The following SYNE1 variants were observed in gnomAD, a reference collection of about 807,000 sequenced individuals.
SYNE1 encodes the protein nesprin-1.
In SYNE1, 616 loss-of-function variants were observed where a neutral mutation model predicts 1,111.0. The observed-to-expected ratio is 0.55, with a 90% CI of 0.52 to 0.59. The LOEUF is 0.59. Among genes scored for constraint, SYNE1 ranks in the 20% least tolerant of loss-of-function variants. The probability of loss-of-function intolerance (pLI) is 0.00; values close to 1 mark genes in which losing one functional copy is unlikely to be tolerated. For synonymous variants in SYNE1, 3,855 were observed against 3,825.8 expected, an observed-to-expected ratio of 1.01 and a Z score of -0.28; for missense variants, 10,006 against 10,417.0, an observed-to-expected ratio of 0.96 and a Z score of 1.72.
At chr6:152,237,185 G>T (rs546487487) in intron 108 of SYNE1, among the ~76,000 whole-genome samples, 1 of 152,144 alleles carries the variant, frequency 6.6e-6, no homozygotes, top group East Asian at 1.9e-4. Flanking sequence ...ACAACTGTGA[G>T]TAAGCTACTA....
chr6:152,253,830 T>G lies in SYNE1; in HGVS notation c.19470+1050A>C, dbSNP rs1218566248. On this transcript the variant is annotated intron_variant, in intron 104 of 145. Coordinates refer to ENST00000367255, the MANE Select transcript of SYNE1 (RefSeq NM_182961.4). The stretch of plus-strand genomic sequence containing the variant: ...GTGTAGTGGTTTGGTTTTTTTTTTT[T>G]TTTTTTTTTTTTTTTTTTTTTTTTT... Among the ~76,000 whole-genome samples the G allele has an allele frequency of 2.3e-3, 138 of 59,994 alleles. 2 individuals carry two copies. Among genetic ancestry groups the G allele is most frequent in the African/African-American group, 0.016 (131 of 7,940 alleles). The allele number at this position is 59,994 out of a possible 152,430, so 39.4% of individuals were successfully genotyped here. A position where few individuals can be genotyped will look rare whatever the true frequency, so the allele number is the denominator to read the frequency against.
intron 34 of SYNE1, among the ~76,000 whole-genome samples, chr6:152,431,082 G>A (rs1396459490): frequency 6.6e-6 from 1 of 152,160 alleles, no homozygotes; most frequent in Non-Finnish European, 1.5e-5. Context: ...TTGTGTTTCA[G>A]TAACTCATTA....
chr6:152,362,592 C>T (rs149561014), intron 63 of SYNE1, among the ~76,000 whole-genome samples: 2 of 152,064 alleles, frequency 1.3e-5, no homozygotes, highest in African/African-American at 2.4e-5. Flanking sequence ...TGGGGGGACA[C>T]GAGACACTGG....
intron 21 of SYNE1, among the ~76,000 whole-genome samples, chr6:152,461,059 G>A (rs214960): frequency 0.52 from 79,514 of 151,684 alleles, 22,722 homozygotes; most frequent in East Asian, 0.76. Context: ...TGATCTGCTC[G>A]CCTCGGCCTC....
At chr6:152,301,130 C>T (rs1434862042) in intron 92 of SYNE1, among the ~76,000 whole-genome samples, 1 of 152,138 alleles carries the variant, frequency 6.6e-6, no homozygotes, top group African/African-American at 2.4e-5. Flanking sequence ...TGAAATAAAG[C>T]TTGGTCTTTT....
chr6:152,130,497 A>C (rs1329723664), intron 145 of SYNE1, among the ~76,000 whole-genome samples: 1 of 152,240 alleles, frequency 6.6e-6, no homozygotes, highest in African/African-American at 2.4e-5. Context: ...ATGTTGAGAC[A>C]AACAGAATTT....
Position 152,399,763 on chromosome 6 carries a change from T to C in SYNE1, c.7090A>G (p.Asn2364Asp), listed in dbSNP as rs768522880. 6.2e-7 allele frequency: 1 copy of C among 1,613,060 alleles called. No individual in the cohort carries two copies. The highest frequency in any genetic ancestry group is 1.7e-5 in the Admixed American group (1 of 60,020). Residue 2364 changes from asparagine (N) to aspartate (D), a missense_variant, in exon 48 of 146, where the codon AAT becomes GAT. By Grantham distance (23) the Asn-to-Asp change is conservative (BLOSUM62 1). Coordinates refer to ENST00000367255, the MANE Select transcript of SYNE1 (RefSeq NM_182961.4). ...GAGTGGTACTTGCGGCACAAGCTAT[T>C]GAGATTTTCTTGGGTAGAGCTGATG... Reference protein sequence around the residue: ...SNISSTQENLNSLCRKYHSAE... With the variant: ...SNISSTQENLDSLCRKYHSAE...
In SYNE1 at chr6:152,363,023, T is replaced by G. The variant is rs376491259; in HGVS notation, c.10146-700A>C. Reference sequence around the variant, plus strand: ...AGCCGCCCGAGTAGCTGGGACTACATGCCCCCGCCACCATGCCCGGCTAAT... The same window carrying G: ...AGCCGCCCGAGTAGCTGGGACTACAGGCCCCCGCCACCATGCCCGGCTAAT... On this transcript the variant is annotated intron_variant, in intron 63 of 145. Transcript: ENST00000367255. Among the ~76,000 whole-genome samples the G allele has an allele frequency of 8.5e-4, 128 of 151,028 alleles. 1 individual carries two copies. Among genetic ancestry groups the G allele is most frequent in the South Asian group, 6.1e-3 (29 of 4,748 alleles).
intron 100 of SYNE1, 107 bp downstream of exon 100, chr6:152,267,948 TA>T: frequency 1.0e-6 from 1 of 974,382 alleles, no homozygotes. Context: ...ATAAGATGAC[TA>T]AATTTTGCAG....
Position 152,148,252 on chromosome 6 carries a change from G to C in SYNE1, c.24769C>G (p.Leu8257Val). ...SLLSPQPSSNLSLSLAQPLRS... is the reference protein window; with the variant it reads ...SLLSPQPSSNVSLSLAQPLRS... ...AGGGGCTGAGCGAGCGAGAGGGAGA[G>C]ATTGGAGGAAGGCTGTGGAGAAAGC... Residue 8257 changes from leucine (L) to valine (V), a missense_variant, in exon 137 of 146, where the codon CTC (leucine) becomes GTC (valine). Coordinates refer to ENST00000367255, the MANE Select transcript of SYNE1 (RefSeq NM_182961.4). The surrounding 1 kb of genome is among the most constrained non-coding windows in gnomAD (Gnocchi z 4.1). The C allele has an allele frequency of 6.2e-7, 1 of 1,613,788 alleles. No individual in the cohort carries two copies. Among genetic ancestry groups the C allele is most frequent in the Non-Finnish European group, 8.5e-7 (1 of 1,179,756 alleles).
chr6:152,412,378 A>C (rs983164511), intron 42 of SYNE1, among the ~76,000 whole-genome samples: 5 of 151,176 alleles, frequency 3.3e-5, no homozygotes, highest in African/African-American at 1.2e-4. Flanking sequence ...GAGCAGAGAT[A>C]GCGCCACCGC....
Position 152,287,373 on chromosome 6 carries a change from A to C in SYNE1, c.18013-3201T>G, listed in dbSNP as rs2094391773. 2.0e-5 allele frequency among the ~76,000 whole-genome samples: 3 copies of C among 152,176 alleles called. No homozygotes were observed. The South Asian group carries it at 6.2e-4, about 32-fold the overall frequency. On this transcript the variant is annotated intron_variant, in intron 95 of 145. Coordinates refer to ENST00000367255, the MANE Select transcript of SYNE1 (RefSeq NM_182961.4). ...GGCTCGAATTCTGTTCCATCAACCCATTTGGCTGTTTGTGCAAATACCACA... is the reference window on the plus strand; with the variant it reads ...GGCTCGAATTCTGTTCCATCAACCCCTTTGGCTGTTTGTGCAAATACCACA...
chr6:152,416,428 T>A lies in SYNE1; in HGVS notation c.6009A>T (p.Lys2003Asn). 6 of 1,614,210 alleles carry A rather than the reference T, an allele frequency of 3.7e-6. No individual in the cohort carries two copies. Among genetic ancestry groups the A allele is most frequent in the Non-Finnish European group, 5.1e-6 (6 of 1,180,042 alleles). Residue 2003 changes from lysine (K) to asparagine (N), a missense_variant, in exon 41 of 146, where the codon AAA becomes AAT. Physicochemically the swap from Lys to Asn is moderately conservative, Grantham distance 94 (BLOSUM62 0). Transcript: ENST00000367255. ...GGCGGGTAGGTTCTTTCAATCGCTC[T>A]TTGTCAGTCCTTTCTTCAATGTCCT... ...SIEDIEERTD[K>N]ERLKEPTRQA... is the part of the protein sequence containing the mutation.
chr6:152,629,805 A>T (rs2099694870), intron 2 of SYNE1, among the ~76,000 whole-genome samples: 1 of 152,000 alleles, frequency 6.6e-6, no homozygotes, highest in Non-Finnish European at 1.5e-5. Context: ...ATGATGATGA[A>T]GGTTAAAAAA....
In SYNE1 at chr6:152,141,228, C is replaced by T; in HGVS notation, c.25221G>A (p.Leu8407=). Residue 8407 remains leucine (L), a synonymous_variant, in exon 139 of 146, where the codon CTG becomes CTA. Coordinates refer to ENST00000367255, the MANE Select transcript of SYNE1 (RefSeq NM_182961.4). Reference sequence around the variant, plus strand: ...CAGCCGTTTGGGTTTCGGTACTATGCAGGTTAACAAAGCCAGGAAGGCTCT... The same window carrying T: ...CAGCCGTTTGGGTTTCGGTACTATGTAGGTTAACAAAGCCAGGAAGGCTCT... ...EEESLPGFVN[L]HSTETQTAGV... is the part of the protein sequence containing the mutation. 2 of 1,614,120 alleles carry T rather than the reference C, an allele frequency of 1.2e-6. No homozygotes were observed. The highest frequency in any genetic ancestry group is 8.5e-7 in the Non-Finnish European group (1 of 1,180,006).
At chr6:152,255,814 A>T in intron 102 of SYNE1, 68 bp from the exon 103 acceptor site, 2 of 1,568,104 alleles carry the variant, frequency 1.3e-6, no homozygotes, top group Non-Finnish European at 1.8e-6. Flanking sequence ...AAATATCAGG[A>T]TGGGGCCGGT....
chr6:152,451,956 C>A (rs994585663), intron 25 of SYNE1, among the ~76,000 whole-genome samples: 4 of 147,696 alleles, frequency 2.7e-5, no homozygotes, highest in Non-Finnish European at 4.5e-5. Context: ...ATACCCACTT[C>A]AAAAAGAAAG....
intron 49 of SYNE1, 116 bp from the exon 50 acceptor site, chr6:152,397,096 G>A: frequency 9.4e-7 from 1 of 1,062,770 alleles, no homozygotes; most frequent in Non-Finnish European, 1.4e-6. Flanking sequence ...TAACAAGGCT[G>A]GAGTAAAAAT....
chr6:152,456,580 C>T (rs1039184152), intron 22 of SYNE1: 7 of 298,600 alleles, frequency 2.3e-5, no homozygotes, highest in African/African-American at 1.6e-4. Flanking sequence ...GGGTTCAGAT[C>T]CTAATAAAAA....
Sources: allele counts gnomAD v4.1 joint callset (sites outside exome capture counted in the v4.1 genomes callset), GRCh38; gene constraint gnomAD v4.1.1; non-coding constraint Gnocchi (gnomAD v3.1); transcripts MANE v1.5; gene names NCBI Gene and HGNC (gene_info 2026-07-23, HGNC 2026-07-21).